Variants in GALNT18 observed in about 807,000 individuals in gnomAD.
GALNT18 encodes the protein polypeptide N-acetylgalactosaminyltransferase 18.
Under a neutral mutation model 69.5 loss-of-function variants are expected in GALNT18, and 44 were observed. That is an observed-to-expected ratio of 0.63 (90% CI 0.50 to 0.81). The LOEUF (loss-of-function observed/expected upper bound fraction) is 0.81, where lower values mean the gene tolerates loss of function less well. GALNT18 is among the 40% of genes least tolerant of loss of function. The probability of loss-of-function intolerance (pLI) is 0.00; values close to 1 mark genes in which losing one functional copy is unlikely to be tolerated. For missense variants in GALNT18, 715 were observed against 810.0 expected (o/e 0.88, Z 1.42); for synonymous variants, 364 against 318.2 (o/e 1.14, Z -1.53).
intron 1 of GALNT18, among the ~76,000 whole-genome samples, chr11:11,566,422 C>A (rs1412718884): frequency 6.6e-6 from 1 of 152,194 alleles, no homozygotes; most frequent in African/African-American, 2.4e-5. Flanking sequence ...GCAACTCTGA[C>A]TGAGGATTGT....
chr11:11,559,386 G>T (rs1218841952), intron 1 of GALNT18, among the ~76,000 whole-genome samples: 2 of 152,320 alleles, frequency 1.3e-5, no homozygotes, highest in Middle Eastern at 3.4e-3. Context: ...CCAACTGTCT[G>T]CTTCTTTCTC....
chr11:11,338,200 C>T lies in GALNT18; in HGVS notation c.1278+2619G>A, dbSNP rs1850146213. Reference sequence around the variant, plus strand: ...CCAGGCTGTTCTTGAACTCCTGACCCCAAGTGATTCACCCACCTCAGCCTC... The same window carrying T: ...CCAGGCTGTTCTTGAACTCCTGACCTCAAGTGATTCACCCACCTCAGCCTC... On this transcript the variant is annotated intron_variant, in intron 7 of 10. Coordinates refer to ENST00000227756, the MANE Select transcript of GALNT18 (RefSeq NM_198516.3). The surrounding 1 kb of genome is among the most constrained non-coding windows in gnomAD (Gnocchi z 5.3). Among the ~76,000 whole-genome samples the T allele has an allele frequency of 6.6e-6, 1 of 151,622 alleles. No individual in the cohort carries two copies. Among genetic ancestry groups the T allele is most frequent in the Admixed American group, 6.6e-5 (1 of 15,224 alleles).
At chr11:11,608,452 C>A (rs1859806999) in intron 1 of GALNT18, among the ~76,000 whole-genome samples, 1 of 152,024 alleles carries the variant, frequency 6.6e-6, no homozygotes, top group Non-Finnish European at 1.5e-5. Context: ...CTCCGCCTCC[C>A]AGGTTCAAGC....
At chr11:11,311,261 A>C (rs1849669751) in intron 9 of GALNT18, among the ~76,000 whole-genome samples, 2 of 152,312 alleles carry the variant, frequency 1.3e-5, no homozygotes, top group Admixed American at 6.5e-5. Context: ...ACTTGGTGCA[A>C]GGGACATCAT....
intron 1 of GALNT18, among the ~76,000 whole-genome samples, chr11:11,516,853 C>G (rs1857288224): frequency 6.6e-6 from 1 of 152,162 alleles, no homozygotes; most frequent in South Asian, 2.1e-4. Context: ...ATGGCCACGG[C>G]TGACGCTAGC....
chr11:11,273,891 T>G (rs560072009), intron 10 of GALNT18, among the ~76,000 whole-genome samples: 1 of 152,296 alleles, frequency 6.6e-6, no homozygotes, highest in African/African-American at 2.4e-5. Flanking sequence ...GGTTTCACTG[T>G]CAAGATGGCT....
At position 11,387,546 on chromosome 11, in the gene GALNT18, G is replaced by A. The variant is rs942970834; in HGVS notation, c.596-8282C>T. Among the ~76,000 whole-genome samples the A allele has an allele frequency of 6.6e-6, 1 of 152,206 alleles. No individual in the cohort carries two copies. Among genetic ancestry groups the A allele is most frequent in the Non-Finnish European group, 1.5e-5 (1 of 68,046 alleles). ...TAAAAGTGTGTTTATTCCTTTCCAA[G>A]TGAAAAGTGGCTTGTCTTCTTCAGA... On this transcript the variant is annotated intron_variant, in intron 3 of 10. Transcript: ENST00000227756. This position sits in a 1 kb window ranked among gnomAD's most constrained non-coding sequence, Gnocchi z 4.6.
chr11:11,513,354 C>T (rs1024396781), intron 1 of GALNT18, among the ~76,000 whole-genome samples: 4 of 152,236 alleles, frequency 2.6e-5, no homozygotes, highest in Admixed American at 1.3e-4. Flanking sequence ...CATCAGTTGA[C>T]TTCCTGTCCC....
intron 1 of GALNT18, among the ~76,000 whole-genome samples, chr11:11,580,812 A>G (rs1590115821): frequency 6.6e-6 from 1 of 152,208 alleles, no homozygotes; most frequent in Admixed American, 6.5e-5. Context: ...ACAGCTCTTT[A>G]CCAGCTGTGA....
rs1489262504 is a variant in GALNT18 at position 11,379,071 on chromosome 11, G to A, written c.779+10C>T. ...CTGGGACTCCTCCTCCTCTCCCAAG[G>A]GGCACTTACCAGCCCACATTGAACT... On this transcript the variant is annotated intron_variant, in intron 4 of 10. Coordinates refer to ENST00000227756, the MANE Select transcript of GALNT18 (RefSeq NM_198516.3). The A allele has an allele frequency of 6.3e-7, 1 of 1,579,574 alleles. No homozygotes were observed. Among genetic ancestry groups the A allele is most frequent in the Admixed American group, 1.8e-5 (1 of 55,094 alleles).
rs1457972179 is a variant in GALNT18 at position 11,480,608 on chromosome 11, G to C, written c.236-31672C>G. Among the ~76,000 whole-genome samples the C allele has an allele frequency of 6.6e-6, 1 of 152,198 alleles. No individual in the cohort carries two copies. Among genetic ancestry groups the C allele is most frequent in the African/African-American group, 2.4e-5 (1 of 41,452 alleles). On this transcript the variant is annotated intron_variant, in intron 1 of 10. Transcript: ENST00000227756. The surrounding 1 kb of genome is among the most constrained non-coding windows in gnomAD (Gnocchi z 4.6). ...CACCTGGTCCCAGTACTGGTTTTGA[G>C]ATCTGATTCTGTAATGCAGTGGCAC...
intron 1 of GALNT18, among the ~76,000 whole-genome samples, chr11:11,553,799 G>A (rs996635575): frequency 1.6e-4 from 24 of 152,144 alleles, no homozygotes; most frequent in Admixed American, 3.3e-4. Flanking sequence ...CAAGTCGCCC[G>A]CAGCTGGGTG....
chr11:11,613,414 A>C lies in GALNT18; in HGVS notation c.235+7945T>G, dbSNP rs764413942. Among the ~76,000 whole-genome samples, 2 of 152,230 alleles carry C rather than the reference A, an allele frequency of 1.3e-5. No individual in the cohort carries two copies. The highest frequency in any genetic ancestry group is 2.9e-5 in the Non-Finnish European group (2 of 68,050). On this transcript the variant is annotated intron_variant, in intron 1 of 10. Coordinates refer to ENST00000227756, the MANE Select transcript of GALNT18 (RefSeq NM_198516.3). The surrounding 1 kb of genome is among the most constrained non-coding windows in gnomAD (Gnocchi z 4.2). ...GAATGATTAGCTTTAACTCTAATAA[A>C]TTAAAGGGATTTCAAGGTTGTTACA...
In GALNT18 at chr11:11,424,759, T is replaced by C. The variant is rs534555590; in HGVS notation, c.595+7862A>G. Among the ~76,000 whole-genome samples the C allele has an allele frequency of 2.0e-4, 31 of 152,208 alleles. 1 individual carries two copies. Among genetic ancestry groups the C allele is most frequent in the African/African-American group, 7.0e-4 (29 of 41,534 alleles). ...CCTCCTAATCCAGCTGGGGCGGTGC[T>C]AGGGGCAGAACCATGGAGGAGTTTC... On this transcript the variant is annotated intron_variant, in intron 3 of 10. Transcript: ENST00000227756.
At chr11:11,334,973 T>A (rs555590955) in intron 7 of GALNT18, among the ~76,000 whole-genome samples, 1 of 152,224 alleles carries the variant, frequency 6.6e-6, no homozygotes, top group Non-Finnish European at 1.5e-5. Flanking sequence ...CCCTTCACAC[T>A]CCATGGTACT....
intron 1 of GALNT18, among the ~76,000 whole-genome samples, chr11:11,489,430 G>A (rs1193676934): frequency 6.6e-6 from 1 of 152,196 alleles, no homozygotes; most frequent in African/African-American, 2.4e-5. Flanking sequence ...GTGAGCAGGA[G>A]CAGTGAGGCA....
chr11:11,521,874 C>G (rs1287491348), intron 1 of GALNT18, among the ~76,000 whole-genome samples: 1 of 152,210 alleles, frequency 6.6e-6, no homozygotes, highest in Non-Finnish European at 1.5e-5. Flanking sequence ...GTGGCTGCAC[C>G]TGTTCCTGCA....
intron 3 of GALNT18, among the ~76,000 whole-genome samples, chr11:11,410,715 A>T (rs1854707207): frequency 6.6e-6 from 1 of 152,190 alleles, no homozygotes; most frequent in African/African-American, 2.4e-5. Flanking sequence ...CTGGAATTTT[A>T]GTTGAACGAT....
rs1858061263 is a variant in GALNT18, at chr11:11,546,742, C to T, written c.235+74617G>A. The stretch of plus-strand genomic sequence containing the variant: ...TAGATACCCCGAATGTTGATGATGT[C>T]TTCCAGGTTTCTCATCCTTCCATCT... On this transcript the variant is annotated intron_variant, in intron 1 of 10. Transcript: ENST00000227756. The surrounding 1 kb of genome is among the most constrained non-coding windows in gnomAD (Gnocchi z 5.8). Among the ~76,000 whole-genome samples, 1 of 152,118 alleles carries T rather than the reference C, an allele frequency of 6.6e-6. No individual in the cohort carries two copies. The highest frequency in any genetic ancestry group is 6.6e-5 in the Admixed American group (1 of 15,266).
Sources: allele counts gnomAD v4.1 joint callset (sites outside exome capture counted in the v4.1 genomes callset), GRCh38; gene constraint gnomAD v4.1.1; non-coding constraint Gnocchi (gnomAD v3.1); transcripts MANE v1.5; gene names NCBI Gene and HGNC (gene_info 2026-07-23, HGNC 2026-07-21).